The following OTOA variants were observed in gnomAD, a reference collection of about 807,000 sequenced individuals.
OTOA encodes the protein otoancorin, also known as cancer/testis antigen 108.
A neutral mutation model predicts 110.8 loss-of-function variants in OTOA; 70 were observed. The ratio of observed to expected loss-of-function variants is 0.63; its 90% CI spans 0.52 to 0.77. The LOEUF (loss-of-function observed/expected upper bound fraction) is 0.77, where lower values mean the gene tolerates loss of function less well. Among genes scored for constraint, OTOA ranks in the 30% least tolerant of loss-of-function variants. The probability of loss-of-function intolerance (pLI) is 0.00; values close to 1 mark genes in which losing one functional copy is unlikely to be tolerated. For synonymous variants in OTOA, 373 were observed against 431.5 expected (o/e 0.86, Z 1.68); for missense variants, 917 against 1,075.8 (o/e 0.85, Z 2.06).
chr16:21,680,338 C>T (rs995921994), intron 5 of OTOA, among the ~76,000 whole-genome samples: 3 of 151,576 alleles, frequency 2.0e-5, no homozygotes, highest in Non-Finnish European at 2.9e-5. Context: ...ATAGTGAAAC[C>T]CTGTCCCTAC....
intron 13 of OTOA, among the ~76,000 whole-genome samples, chr16:21,711,453 T>C (rs1898351082): frequency 6.6e-6 from 1 of 152,122 alleles, no homozygotes; most frequent in Non-Finnish European, 1.5e-5. Flanking sequence ...AGACTTGAGT[T>C]CTAAGCATTT....
chr16:21,725,414 A>G (rs997273739), intron 18 of OTOA, among the ~76,000 whole-genome samples: 1 of 152,052 alleles, frequency 6.6e-6, no homozygotes, highest in African/African-American at 2.4e-5. Flanking sequence ...CCTCTAGAGT[A>G]GTTGAAACCC....
rs762025407 is a variant in OTOA, at chr16:21,701,017, A to T, written c.970A>T (p.Thr324Ser). The T allele has an allele frequency of 6.2e-6, 10 of 1,613,722 alleles. No homozygotes were observed. Among genetic ancestry groups the T allele is most frequent in the Non-Finnish European group, 8.5e-6 (10 of 1,180,006 alleles). Reference sequence around the variant, plus strand: ...CAACTTTAACATGAGGAATACCTCCACCATCCACAGGCAAGCGCATGAGCT... The same window carrying T: ...CAACTTTAACATGAGGAATACCTCCTCCATCCACAGGCAAGCGCATGAGCT... The part of the protein sequence containing the change: ...SSNFNMRNTS[T>S]IHRLGLLVCF... Residue 324 changes from threonine (T) to serine (S), a missense_variant, in exon 11 of 29, where the codon ACC becomes TCC. Transcript: ENST00000646100.
intron 15 of OTOA, 118 bp downstream of exon 15, chr16:21,717,165 G>A (rs1898582556): frequency 7.1e-7 from 1 of 1,411,468 alleles, no homozygotes; most frequent in South Asian, 1.2e-5. Flanking sequence ...ATTAGTATAG[G>A]AGGCAGAATA....
At chr16:21,677,159 A>G (rs1398020648) in intron 1 of OTOA, among the ~76,000 whole-genome samples, 1 of 152,202 alleles carries the variant, frequency 6.6e-6, no homozygotes, top group African/African-American at 2.4e-5. Flanking sequence ...GAATGAAGCT[A>G]TATAAATCTT....
At chr16:21,720,896 C>CATTATTATTATTATTATTATTATT (rs57835405) in intron 17 of OTOA, among the ~76,000 whole-genome samples, 43 of 147,198 alleles carry the variant, frequency 2.9e-4, no homozygotes, top group South Asian at 1.3e-3. Context: ...TACTAAAACA[C>CATTATTATTATTATTATTATTATT]ATTATTATTA....
At chr16:21,729,966 A>ACAGG (rs1201694014) in intron 20 of OTOA, 1 of 152,250 alleles carries the variant, frequency 6.6e-6, no homozygotes, top group Admixed American at 6.5e-5. Context: ...ACATCCATAT[A>ACAGG]CAGGTTTTCA....
At chr16:21,697,517 C>A (rs1348623531) in intron 9 of OTOA, among the ~76,000 whole-genome samples, 1 of 152,032 alleles carries the variant, frequency 6.6e-6, no homozygotes, top group African/African-American at 2.4e-5. Context: ...CCTGTAATCC[C>A]AGCTACTTGG....
intron 5 of OTOA, among the ~76,000 whole-genome samples, chr16:21,680,722 G>A (rs1290759032): frequency 6.6e-6 from 1 of 151,770 alleles, no homozygotes; most frequent in Non-Finnish European, 1.5e-5. Context: ...ATGTGGTGGT[G>A]CACGCCTGTA....
intron 5 of OTOA, among the ~76,000 whole-genome samples, chr16:21,680,853 C>CAAA (rs1229330756): frequency 2.8e-5 from 2 of 70,824 alleles, no homozygotes. Context: ...ACTCTGTCTC[C>CAAA]AAAAAAAAAA....
chr16:21,666,833 G>A (rs1966840993), intron 1 of OTOA, among the ~76,000 whole-genome samples: 1 of 152,122 alleles, frequency 6.6e-6, no homozygotes, highest in Non-Finnish European at 1.5e-5. Context: ...TGCCTTTAAT[G>A]AAAACCAGAT....
intron 1 of OTOA, among the ~76,000 whole-genome samples, chr16:21,668,079 CAG>C (rs1462081813): frequency 2.0e-5 from 3 of 152,032 alleles, no homozygotes; most frequent in Non-Finnish European, 4.4e-5. Flanking sequence ...AATATCTAAT[CAG>C]GGGTTCAAAT....
intron 15 of OTOA, among the ~76,000 whole-genome samples, chr16:21,718,291 C>T (rs1206217321): frequency 1.3e-5 from 2 of 152,064 alleles, no homozygotes; most frequent in Non-Finnish European, 2.9e-5. Context: ...ATTCTGCCAC[C>T]GAAGACTTCA....
intron 7 of OTOA, among the ~76,000 whole-genome samples, chr16:21,686,807 C>A (rs1000240433): frequency 7.2e-5 from 11 of 152,056 alleles, no homozygotes; most frequent in African/African-American, 2.7e-4. Context: ...GTGGGAGGAT[C>A]GCTCAATCCC....
At chr16:21,726,851 G>A (rs1344538912) in intron 19 of OTOA, among the ~76,000 whole-genome samples, 193 bp downstream of exon 19, 1 of 151,910 alleles carries the variant, frequency 6.6e-6, no homozygotes, top group African/African-American at 2.4e-5. Context: ...TCTGCCCCAC[G>A]GCCCAAAGGA....
At chr16:21,705,530 C>T in intron 12 of OTOA, 1 of 599,150 alleles carries the variant, frequency 1.7e-6, no homozygotes, top group Non-Finnish European at 2.8e-6. Flanking sequence ...GCTGTCTCAG[C>T]CAGGCGCGGT....
rs1312770564 is a variant in OTOA, at chr16:21,672,442, G to A, written c.-4-6069G>A. ...GTTCCAGACCAGCCTGACCAACATG[G>A]CGAAACCCCATCTCTACTAAAAATA... On this transcript the variant is annotated intron_variant, in intron 1 of 28. Transcript: ENST00000646100. Among the ~76,000 whole-genome samples, 5 of 152,038 alleles carry A rather than the reference G, an allele frequency of 3.3e-5. No individual in the cohort carries two copies. In the East Asian group the frequency reaches 9.7e-4, roughly 29 times the overall value.
In OTOA at chr16:21,760,475, C is replaced by T; in HGVS notation, c.3355C>T (p.Leu1119Phe). Residue 1119 changes from leucine (L) to phenylalanine (F), a missense_variant, in exon 29 of 29, where the codon CTC becomes TTC. By Grantham distance (22) the Leu-to-Phe change is conservative. Transcript: ENST00000646100. ...TSSSRSPAGA[L>F]QSWGLWLGCP... ...TATTTTGTATTTGCTTTTAGGAGCT[C>T]TCCAGTCGTGGGGTCTTTGGCTTGG... 3.8e-6 allele frequency: 6 copies of T among 1,589,190 alleles called. No homozygotes were observed. Among genetic ancestry groups the T allele is most frequent in the Non-Finnish European group, 5.2e-6 (6 of 1,162,936 alleles).
intron 1 of OTOA, among the ~76,000 whole-genome samples, chr16:21,675,911 T>A (rs1428235829): frequency 6.6e-6 from 1 of 152,184 alleles, no homozygotes; most frequent in Non-Finnish European, 1.5e-5. Context: ...CTAGTATGCC[T>A]GGTAATTTTT....
Sources: allele counts gnomAD v4.1 joint callset (sites outside exome capture counted in the v4.1 genomes callset), GRCh38; gene constraint gnomAD v4.1.1; transcripts MANE v1.5; gene names NCBI Gene and HGNC (gene_info 2026-07-23, HGNC 2026-07-21).